FRS2: variants seen among roughly 807,000 people sequenced by gnomAD.
FRS2 encodes the protein fibroblast growth factor receptor substrate 2.
FRS2 carries 8 observed loss-of-function variants against 43.9 expected under a neutral mutation model. The observed-to-expected ratio is 0.18, with a 90% confidence interval of 0.11 to 0.33. The LOEUF is 0.33. FRS2 is among the 10% of genes least tolerant of loss of function. FRS2 has a pLI of 1.00. For missense variants in FRS2, 534 were observed against 627.6 expected (o/e 0.85, Z 1.59); for synonymous variants, 219 against 220.3 (o/e 0.99, Z 0.05).
chr12:69,568,510 T>TCTGCCTGC (rs201681343), intron 4 of FRS2, among the ~76,000 whole-genome samples: 2,900 of 150,880 alleles, frequency 0.019, 106 homozygotes, highest in African/African-American at 0.066. Context: ...CAACATAATG[T>TCTGCCTGC]CTGCCTGCCT....
At chr12:69,494,297 A>G (rs949719096) in intron 1 of FRS2, among the ~76,000 whole-genome samples, 4 of 152,232 alleles carry the variant, frequency 2.6e-5, no homozygotes, top group African/African-American at 9.6e-5. Context: ...TCTGTCTGTG[A>G]TGGAGATTTT....
intron 3 of FRS2, among the ~76,000 whole-genome samples, chr12:69,548,738 G>T (rs1412698848): frequency 6.6e-6 from 1 of 152,194 alleles, no homozygotes; most frequent in Non-Finnish European, 1.5e-5. Flanking sequence ...CAGGTTTGCT[G>T]GGAACACCAG....
intron 3 of FRS2, among the ~76,000 whole-genome samples, chr12:69,538,584 G>A (rs1409616397): frequency 6.6e-6 from 1 of 151,920 alleles, no homozygotes; most frequent in Non-Finnish European, 1.5e-5. Flanking sequence ...AGTGTGTGTG[G>A]GGGTGGTATG....
intron 1 of FRS2, among the ~76,000 whole-genome samples, chr12:69,495,831 G>C (rs1347868372): frequency 6.6e-6 from 1 of 152,150 alleles, no homozygotes; most frequent in African/African-American, 2.4e-5. Context: ...TACTTGGGAG[G>C]CTCATAGGGA....
At chr12:69,492,164 C>G (rs1872545724) in intron 1 of FRS2, among the ~76,000 whole-genome samples, 1 of 152,024 alleles carries the variant, frequency 6.6e-6, no homozygotes, top group Non-Finnish European at 1.5e-5. Context: ...TGTAATTTTA[C>G]TTTATGTGGA....
At chr12:69,563,184 T>C (rs1301748081) in intron 4 of FRS2, among the ~76,000 whole-genome samples, 1 of 152,198 alleles carries the variant, frequency 6.6e-6, no homozygotes, top group Non-Finnish European at 1.5e-5. Context: ...AGATGTAGTC[T>C]TCAAATATTA....
intron 4 of FRS2, among the ~76,000 whole-genome samples, chr12:69,566,762 A>T (rs1358523546): frequency 1.3e-5 from 2 of 152,232 alleles, no homozygotes; most frequent in African/African-American, 4.8e-5. Flanking sequence ...GATAAAGGCC[A>T]CAATAGAGTT....
At chr12:69,497,921 G>A (rs1873056337) in intron 1 of FRS2, among the ~76,000 whole-genome samples, 1 of 152,174 alleles carries the variant, frequency 6.6e-6, no homozygotes. Flanking sequence ...ACTAGTAGAT[G>A]TTTCAAATGG....
chr12:69,501,319 C>T (rs941110892), intron 1 of FRS2, among the ~76,000 whole-genome samples: 8 of 152,142 alleles, frequency 5.3e-5, no homozygotes, highest in African/African-American at 1.2e-4. Flanking sequence ...ACAGACTGCT[C>T]ATGGCACCTA....
intron 1 of FRS2, among the ~76,000 whole-genome samples, chr12:69,481,976 G>T (rs115906040): frequency 2.7e-5 from 4 of 150,856 alleles, no homozygotes; most frequent in Non-Finnish European, 5.9e-5. Context: ...TCTGCTTAGA[G>T]GTACCTTAGT....
intron 1 of FRS2, among the ~76,000 whole-genome samples, chr12:69,512,054 T>TA (rs1216090087): frequency 6.6e-6 from 1 of 152,204 alleles, no homozygotes; most frequent in African/African-American, 2.4e-5. Flanking sequence ...TGTCACCTGT[T>TA]ACCTGTGTCT....
chr12:69,471,853 GT>G (rs1272214242), intron 1 of FRS2, among the ~76,000 whole-genome samples: 1 of 151,166 alleles, frequency 6.6e-6, no homozygotes, highest in Non-Finnish European at 1.5e-5. Flanking sequence ...TTATTCTGTA[GT>G]TTTTTGGGTA....
At chr12:69,557,623 C>CAT in intron 3 of FRS2, among the ~76,000 whole-genome samples, 2 of 99,354 alleles carry the variant, frequency 2.0e-5, no homozygotes, top group Non-Finnish European at 3.9e-5. Flanking sequence ...TGTGTGTGCG[C>CAT]GCGCGCGCGC....
intron 1 of FRS2, among the ~76,000 whole-genome samples, chr12:69,499,845 G>A (rs1453075943): frequency 6.6e-6 from 1 of 152,022 alleles, no homozygotes; most frequent in African/African-American, 2.4e-5. Context: ...TGATGTGCTG[G>A]TATAGTATCC....
rs549830621 is a variant in FRS2, at chr12:69,527,111, A to C, written c.-260-3754A>C. Among the ~76,000 whole-genome samples the C allele has an allele frequency of 3.2e-4, 48 of 152,234 alleles. 1 individual carries two copies. The South Asian group carries it at 6.6e-3, about 21-fold the overall frequency. On this transcript the variant is annotated intron_variant, in intron 1 of 8. Coordinates refer to ENST00000549921, the MANE Select transcript of FRS2 (RefSeq NM_001278356.2). Reference sequence around the variant, plus strand: ...GACTTTTCTAAGTGTATGGAATAACAATCAGTCATTTAAAGGTGATTTGAA... The same window carrying C: ...GACTTTTCTAAGTGTATGGAATAACCATCAGTCATTTAAAGGTGATTTGAA...
chr12:69,471,113 G>C (rs1360926871), intron 1 of FRS2, among the ~76,000 whole-genome samples: 1 of 152,120 alleles, frequency 6.6e-6, no homozygotes, highest in Non-Finnish European at 1.5e-5. Flanking sequence ...TCCTGGATAC[G>C]TAGGTCGCTG....
At position 69,575,435 on chromosome 12, in the gene FRS2, C is replaced by CT. The variant is rs1881124183; in HGVS notation, c.*485dup. The CT allele has an allele frequency of 6.5e-6, 1 of 154,356 alleles. No individual in the cohort carries two copies. The highest frequency in any genetic ancestry group is 2.0e-4 in the South Asian group (1 of 4,930). 9.6% of individuals were successfully genotyped at this position (154,356 alleles called of 1,614,324 possible). On this transcript the variant is annotated 3_prime_UTR_variant, in exon 9 of 9. Transcript: ENST00000549921. ...AATCCTTTATTTCATTAATTAATGG[C>CT]TTTTTGACTTGAGCCAAAACATATG...
intron 1 of FRS2, among the ~76,000 whole-genome samples, chr12:69,488,168 A>G (rs1025521784): frequency 2.0e-5 from 3 of 152,224 alleles, no homozygotes; most frequent in Non-Finnish European, 4.4e-5. Context: ...GATGACTCCA[A>G]TTTTGAAAGA....
chr12:69,495,932 A>C (rs7308110), intron 1 of FRS2, among the ~76,000 whole-genome samples: 4 of 151,992 alleles, frequency 2.6e-5, no homozygotes, highest in African/African-American at 9.7e-5. Flanking sequence ...CTCTCAAAAA[A>C]AGAGAAAGGA....
Sources: allele counts gnomAD v4.1 joint callset (sites outside exome capture counted in the v4.1 genomes callset), GRCh38; gene constraint gnomAD v4.1.1; transcripts MANE v1.5; gene names NCBI Gene and HGNC (gene_info 2026-07-23, HGNC 2026-07-21).